DHX8: variants seen among roughly 807,000 people sequenced by gnomAD.
DHX8 encodes the protein DEAH-box helicase 8, also known as ATP-dependent RNA helicase DHX8.
Under a neutral mutation model 140.7 loss-of-function variants are expected in DHX8, and 67 were observed. That is an observed-to-expected ratio of 0.48 (90% CI 0.39 to 0.58). The LOEUF (loss-of-function observed/expected upper bound fraction) is 0.58, where lower values mean the gene tolerates loss of function less well. Among genes scored for constraint, DHX8 ranks in the 20% least tolerant of loss-of-function variants. DHX8 has a pLI of 0.00. For synonymous variants in DHX8, 533 were observed against 553.2 expected, an observed-to-expected ratio of 0.96 and a Z score of 0.51; for missense variants, 887 against 1,550.7, an observed-to-expected ratio of 0.57 and a Z score of 7.19.
chr17:43,532,746 C>A, intron 2 of DHX8: 1 of 1,614,046 alleles, frequency 6.2e-7, no homozygotes, highest in South Asian at 1.1e-5. Context: ...TGCCCATTGA[C>A]CCCACCCTGG....
chr17:43,515,447 A>G (rs1377201363), intron 17 of DHX8, among the ~76,000 whole-genome samples: 1 of 152,234 alleles, frequency 6.6e-6, no homozygotes, highest in Non-Finnish European at 1.5e-5. Flanking sequence ...TCAGCCTTCC[A>G]AAGTGCTGGG....
At chr17:43,492,578 A>G (rs1968587561) in intron 5 of DHX8, 103 bp from the exon 6 acceptor site, 1 of 694,540 alleles carries the variant, frequency 1.4e-6, no homozygotes, top group Non-Finnish European at 2.5e-6. Context: ...TTCAAAACCT[A>G]GTGGGTACCT....
chr17:43,513,542 AT>A, intron 17 of DHX8, 40 bp downstream of exon 17: 1 of 1,590,594 alleles, frequency 6.3e-7, no homozygotes, highest in Non-Finnish European at 8.5e-7. Flanking sequence ...GATAATCCTG[AT>A]TAGGGCCTTT....
intron 8 of DHX8, 28 bp from the exon 9 acceptor site, chr17:43,496,153 C>T: frequency 1.3e-6 from 2 of 1,582,452 alleles, no homozygotes; most frequent in Non-Finnish European, 1.7e-6. Context: ...TAGCAGGTTA[C>T]AAATGCTGCC....
chr17:43,529,011 T>G (rs1240224149), downstream of DHX8: 1 of 969,502 alleles, frequency 1.0e-6, no homozygotes, highest in Admixed American at 1.8e-5. Flanking sequence ...ATTTCTTGTC[T>G]CTCTGACTGA....
chr17:43,530,390 G>A, downstream of DHX8: 2 of 1,434,810 alleles, frequency 1.4e-6, no homozygotes, highest in East Asian at 2.6e-5. Context: ...TCAACTTGAG[G>A]GCTGCGGCTG....
downstream of DHX8, chr17:43,526,749 T>C: frequency 7.5e-7 from 1 of 1,330,002 alleles, no homozygotes; most frequent in Non-Finnish European, 9.8e-7. Context: ...CCCACCACGA[T>C]AGCTTGGCTT....
At chr17:43,541,969 G>A (rs140904268) in intron 3 of DHX8, among the ~76,000 whole-genome samples, 176 of 152,288 alleles carry the variant, frequency 1.2e-3, no homozygotes, top group Admixed American at 1.4e-3. Flanking sequence ...ATTCAGGGAT[G>A]CACACACCCT....
intron 11 of DHX8, among the ~76,000 whole-genome samples, chr17:43,500,568 T>C (rs1567682907): frequency 6.6e-6 from 1 of 152,110 alleles, no homozygotes; most frequent in African/African-American, 2.4e-5. Context: ...AAACCAAAAA[T>C]GTTTTAATAG....
intron 6 of DHX8, 40 bp from the exon 7 acceptor site, chr17:43,493,405 A>AT (rs765326952): frequency 2.5e-6 from 4 of 1,598,220 alleles, no homozygotes; most frequent in Non-Finnish European, 2.6e-6. Context: ...GGGGAAAAAT[A>AT]TTTTTTGGCA....
chr17:43,520,662 T>C, intron 19 of DHX8, 89 bp from the exon 20 acceptor site: 1 of 1,514,364 alleles, frequency 6.6e-7, no homozygotes, highest in Non-Finnish European at 9.1e-7. Flanking sequence ...AAATCTGTGT[T>C]GTTACCCACT....
Position 43,507,518 on chromosome 17 carries a change from C to T in DHX8, c.1939C>T (p.Arg647Ter), listed in dbSNP as rs765250584. Residue 647 changes from arginine to a stop codon, truncating the protein, a stop_gained, in exon 14 of 23, where the codon CGA (arginine) becomes TGA (stop). Coordinates refer to ENST00000262415, the MANE Select transcript of DHX8 (RefSeq NM_004941.3). LOFTEE classifies it high-confidence loss of function. ...CLGQEVGYTI[R>*]FEDCTSPETV... ...TCTGCTTTAGGTGGGCTACACCATTCGATTTGAGGACTGCACTAGCCCTGA... is the reference window on the plus strand; with the variant it reads ...TCTGCTTTAGGTGGGCTACACCATTTGATTTGAGGACTGCACTAGCCCTGA... The T allele has an allele frequency of 1.9e-6, 3 of 1,613,848 alleles. No individual in the cohort carries two copies. The highest frequency in any genetic ancestry group is 2.5e-6 in the Non-Finnish European group (3 of 1,179,930).
downstream of DHX8, chr17:43,528,574 G>A (rs1363939958): frequency 8.7e-6 from 14 of 1,614,000 alleles, no homozygotes; most frequent in Non-Finnish European, 1.2e-5. Context: ...AGCCAGCTCT[G>A]GGAGGTAGGC....
At chr17:43,510,382 C>T (rs949229443) in intron 16 of DHX8, among the ~76,000 whole-genome samples, 4 of 152,122 alleles carry the variant, frequency 2.6e-5, no homozygotes, top group Non-Finnish European at 4.4e-5. Context: ...AGTTCAAAGG[C>T]TTTTACCCAT....
intron 12 of DHX8, among the ~76,000 whole-genome samples, chr17:43,505,202 G>A (rs1240301113): frequency 6.6e-6 from 1 of 152,190 alleles, no homozygotes; most frequent in East Asian, 1.9e-4. Flanking sequence ...AAGTTCAGGA[G>A]TTCGAGACCA....
chr17:43,517,351 T>C lies in DHX8; in HGVS notation c.2799+29T>C, dbSNP rs112975125. Reference sequence around the variant, plus strand: ...GAAATCACTGTCTTGTTAAAATGGGTTGGTGGAACAGTCCAATCCTGGCCT... The same window carrying C: ...GAAATCACTGTCTTGTTAAAATGGGCTGGTGGAACAGTCCAATCCTGGCCT... On this transcript the variant is annotated intron_variant, in intron 18 of 22. Coordinates refer to ENST00000262415, the MANE Select transcript of DHX8 (RefSeq NM_004941.3). 5.3e-3 allele frequency: 8,560 copies of C among 1,609,916 alleles called. 36 individuals carry two copies. The highest frequency in any genetic ancestry group is 6.3e-3 in the Non-Finnish European group (7,382 of 1,177,866).
At chr17:43,487,997 A>G (rs1336045818) in intron 1 of DHX8, among the ~76,000 whole-genome samples, 1 of 151,872 alleles carries the variant, frequency 6.6e-6, no homozygotes, top group Non-Finnish European at 1.5e-5. Context: ...AAATAAAAAA[A>G]GTCCAGGTGC....
intron 6 of DHX8, 70 bp from the exon 7 acceptor site, chr17:43,493,373 CAG>C: frequency 6.4e-7 from 1 of 1,567,434 alleles, no homozygotes; most frequent in Non-Finnish European, 8.7e-7. Context: ...TTGTTAGTTC[CAG>C]TAAGGGTAGA....
intron 11 of DHX8, among the ~76,000 whole-genome samples, chr17:43,503,735 A>G (rs533772619): frequency 7.9e-5 from 12 of 152,274 alleles, no homozygotes; most frequent in Non-Finnish European, 2.9e-5. Flanking sequence ...AGTATCCAGA[A>G]TAGAACCCGT....
Sources: gnomAD v4.1 joint callset for allele counts (sites outside exome capture counted in the v4.1 genomes callset) on GRCh38, gnomAD v4.1.1 for gene constraint, MANE v1.5 for transcripts, NCBI Gene and HGNC (gene_info 2026-07-23, HGNC 2026-07-21) for gene names.